Variants in SNX25 observed in about 807,000 individuals in gnomAD.
SNX25 encodes sorting nexin-25.
In SNX25, 62 loss-of-function variants were observed where a neutral mutation model predicts 113.7. The ratio of observed to expected loss-of-function variants is 0.55; its 90% CI spans 0.44 to 0.67. The LOEUF (loss-of-function observed/expected upper bound fraction) is 0.67, where lower values mean the gene tolerates loss of function less well. SNX25 is among the 30% of genes least tolerant of loss of function. The pLI is 0.00. For missense variants in SNX25, 1,014 were observed against 1,161.0 expected (o/e 0.87, Z 1.84); for synonymous variants, 421 against 436.2 (o/e 0.97, Z 0.43).
At chr4:185,378,566 C>T in the SNX25 span, 2 of 1,013,180 alleles carry the variant, frequency 2.0e-6, no homozygotes, top group Non-Finnish European at 2.4e-6. Context: ...AGCTCTTCTG[C>T]ACTGGTACCT....
intron 1 of SNX25, among the ~76,000 whole-genome samples, chr4:185,242,813 C>T (rs545021904): frequency 6.6e-6 from 1 of 152,332 alleles, no homozygotes; most frequent in South Asian, 2.1e-4. Context: ...CGAGGCCCGA[C>T]ACACCCAACA....
At chr4:185,254,583 G>T (rs578180712) in intron 2 of SNX25, among the ~76,000 whole-genome samples, 8 of 152,158 alleles carry the variant, frequency 5.3e-5, no homozygotes, top group Admixed American at 5.2e-4. Context: ...TGTGGGTAGC[G>T]ATTACCTAAC....
intron 1 of SNX25, among the ~76,000 whole-genome samples, chr4:185,221,757 G>C (rs1462461478): frequency 1.3e-5 from 2 of 149,050 alleles, no homozygotes; most frequent in Non-Finnish European, 3.0e-5. Flanking sequence ...TCATAGTGCC[G>C]GGCTTTTTCT....
At chr4:185,271,045 TA>T (rs1172943963) in intron 5 of SNX25, among the ~76,000 whole-genome samples, 8 of 152,210 alleles carry the variant, frequency 5.3e-5, no homozygotes, top group Admixed American at 4.6e-4. Flanking sequence ...TTGCAGTTCC[TA>T]ACCTCTTCCT....
Position 185,258,841 on chromosome 4 carries a change from C to T in SNX25, c.515-7C>T. ...GTTTTACTCATTGCTTTGTTTATTC[C>T]TGGTAGTGTTCGACTACAGTTATAG... On this transcript the variant is annotated splice_polypyrimidine_tract_variant and splice_region_variant and intron_variant, in intron 2 of 18. Coordinates refer to ENST00000652585, the MANE Select transcript of SNX25 (RefSeq NM_001378034.2). 6.2e-7 allele frequency: 1 copy of T among 1,606,118 alleles called. No individual in the cohort carries two copies. Among genetic ancestry groups the T allele is most frequent in the Non-Finnish European group, 8.5e-7 (1 of 1,173,274 alleles).
At chr4:185,368,631 G>A (rs923223357), downstream of SNX25, among the ~76,000 whole-genome samples, 1 of 152,086 alleles carries the variant, frequency 6.6e-6, no homozygotes, top group Non-Finnish European at 1.5e-5. Context: ...GCCTCTAAAT[G>A]ATCTCCATTT....
chr4:185,262,563 A>ACGGGACTTGAGATTGAAACAGAT (rs1747476875), intron 3 of SNX25, among the ~76,000 whole-genome samples: 1 of 152,194 alleles, frequency 6.6e-6, no homozygotes, highest in African/African-American at 2.4e-5. Flanking sequence ...TTGAAACAGA[A>ACGGGACTTGAGATTGAAACAGAT]CAGGACTTGA....
intron 2 of SNX25, among the ~76,000 whole-genome samples, chr4:185,249,974 A>T (rs1745412988): frequency 6.6e-6 from 1 of 152,018 alleles, no homozygotes; most frequent in Non-Finnish European, 1.5e-5. Context: ...TCTTGACTAG[A>T]TGTCACTTTT....
At chr4:185,322,264 C>G (rs1170007015) in intron 8 of SNX25, among the ~76,000 whole-genome samples, 1 of 152,132 alleles carries the variant, frequency 6.6e-6, no homozygotes, top group Non-Finnish European at 1.5e-5. Context: ...AACCCTGTCT[C>G]TACTAAAAAT....
At chr4:185,336,265 C>A (rs2095229269) in intron 10 of SNX25, among the ~76,000 whole-genome samples, 2 of 152,062 alleles carry the variant, frequency 1.3e-5, no homozygotes, top group Admixed American at 1.3e-4. Flanking sequence ...TTTTGGTATA[C>A]CTATCACCCA....
intron 13 of SNX25, among the ~76,000 whole-genome samples, chr4:185,347,534 G>A (rs970375200): frequency 6.6e-6 from 1 of 151,976 alleles, no homozygotes; most frequent in African/African-American, 2.4e-5. Flanking sequence ...GCAATGGCGC[G>A]ATCTTGGCTC....
At chr4:185,238,079 A>T (rs1287874991) in intron 1 of SNX25, among the ~76,000 whole-genome samples, 4 of 151,514 alleles carry the variant, frequency 2.6e-5, no homozygotes, top group Admixed American at 2.6e-4. Flanking sequence ...AAAAAAAAAA[A>T]AAAAAATTTA....
chr4:185,304,773 G>A (rs1161072829), intron 6 of SNX25, among the ~76,000 whole-genome samples: 1 of 152,208 alleles, frequency 6.6e-6, no homozygotes, highest in Non-Finnish European at 1.5e-5. Flanking sequence ...ACAGGCATGA[G>A]CCACCACATC....
chr4:185,277,055 C>T (rs949648305), intron 5 of SNX25, among the ~76,000 whole-genome samples: 11 of 152,152 alleles, frequency 7.2e-5, no homozygotes, highest in Non-Finnish European at 1.5e-4. Context: ...GAAGGAGTCT[C>T]GCTCTGTCAC....
intron 1 of SNX25, among the ~76,000 whole-genome samples, chr4:185,220,906 T>TGTTGCCC (rs1248194829): frequency 6.6e-6 from 1 of 152,004 alleles, no homozygotes; most frequent in Non-Finnish European, 1.5e-5. Context: ...CTCTGTTGCC[T>TGTTGCCC]AGGCTGAAGT....
At chr4:185,327,229 C>A (rs1427719505) in intron 9 of SNX25, among the ~76,000 whole-genome samples, 1 of 152,140 alleles carries the variant, frequency 6.6e-6, no homozygotes, top group Admixed American at 6.6e-5. Flanking sequence ...AGCCTAGGAC[C>A]TAGACAGAAA....
intron 3 of SNX25, among the ~76,000 whole-genome samples, chr4:185,264,011 A>G (rs1266787055): frequency 1.3e-5 from 2 of 152,204 alleles, no homozygotes; most frequent in Admixed American, 1.3e-4. Context: ...AAATACCTGT[A>G]GACTTTTTAT....
intron 1 of SNX25, among the ~76,000 whole-genome samples, chr4:185,212,491 G>GTTTGTTTTT (rs1553980597): frequency 9.5e-6 from 1 of 104,944 alleles, no homozygotes; most frequent in African/African-American, 3.7e-5. Context: ...GTGTGTGTGT[G>GTTTGTTTTT]TTTTTTTTTT....
chr4:185,285,337 GT>G (rs1751194898), intron 5 of SNX25, among the ~76,000 whole-genome samples: 1 of 152,166 alleles, frequency 6.6e-6, no homozygotes, highest in African/African-American at 2.4e-5. Context: ...ATTTCTGTGT[GT>G]CTGGAACGTA....
Sources: gnomAD v4.1 joint callset for allele counts (sites outside exome capture counted in the v4.1 genomes callset) on GRCh38, gnomAD v4.1.1 for gene constraint, MANE v1.5 for transcripts, NCBI Gene and HGNC (gene_info 2026-07-23, HGNC 2026-07-21) for gene names.